TENM2: variants seen among roughly 807,000 people sequenced by gnomAD.
TENM2 encodes the protein teneurin transmembrane protein 2.
TENM2 carries 52 observed loss-of-function variants against 245.2 expected under a neutral mutation model. The ratio of observed to expected loss-of-function variants is 0.21; its 90% CI spans 0.17 to 0.27. The LOEUF is 0.27. Ranked by LOEUF, TENM2 falls within the 10% of genes least tolerant of loss-of-function variation. The pLI is 1.00. For missense variants in TENM2, 3,046 were observed against 3,666.8 expected (o/e 0.83, Z 4.37); for synonymous variants, 1,363 against 1,438.9 (o/e 0.95, Z 1.19).
the TENM2 span, among the ~76,000 whole-genome samples, chr5:167,144,995 G>A: frequency 6.6e-6 from 1 of 152,098 alleles, no homozygotes; most frequent in East Asian, 1.9e-4. Flanking sequence ...TTATTGCAGT[G>A]GCTGCAGGCA....
intron 2 of TENM2, among the ~76,000 whole-genome samples, chr5:167,530,766 C>T (rs1006182503): frequency 1.3e-5 from 2 of 152,124 alleles, no homozygotes; most frequent in African/African-American, 2.4e-5. Flanking sequence ...TGGGGAAGCG[C>T]GGCTTCTCTT....
At chr5:167,529,576 G>C (rs1562029994) in intron 2 of TENM2, among the ~76,000 whole-genome samples, 1 of 152,186 alleles carries the variant, frequency 6.6e-6, no homozygotes, top group African/African-American at 2.4e-5. Flanking sequence ...GAACACATGA[G>C]TAAATACAGA....
chr5:167,809,489 T>G (rs1329590198), intron 2 of TENM2, among the ~76,000 whole-genome samples: 5 of 152,132 alleles, frequency 3.3e-5, no homozygotes. Flanking sequence ...GATCACATGA[T>G]CTTTCTTCCC....
At chr5:167,918,795 C>G (rs1307816175) in intron 3 of TENM2, among the ~76,000 whole-genome samples, 3 of 145,606 alleles carry the variant, frequency 2.1e-5, no homozygotes, top group African/African-American at 7.7e-5. Flanking sequence ...TTTTTTGTAG[C>G]CTGTAGGCAC....
At chr5:167,086,850 G>A in the TENM2 span, among the ~76,000 whole-genome samples, 23 of 151,948 alleles carry the variant, frequency 1.5e-4, no homozygotes, top group Admixed American at 1.5e-3. Context: ...TCCCTTATCA[G>A]GGACTATAAA....
At chr5:166,986,768 G>T in the TENM2 span, among the ~76,000 whole-genome samples, 1 of 152,082 alleles carries the variant, frequency 6.6e-6, no homozygotes, top group African/African-American at 2.4e-5. Flanking sequence ...ATTGTGAATT[G>T]CCATTTATTT....
At chr5:167,497,997 G>A (rs1391345172) in intron 2 of TENM2, among the ~76,000 whole-genome samples, 2 of 151,952 alleles carry the variant, frequency 1.3e-5, no homozygotes, top group African/African-American at 2.4e-5. Flanking sequence ...GATCCTAATC[G>A]CCTCAGAATT....
intron 1 of TENM2, among the ~76,000 whole-genome samples, chr5:167,321,361 T>A (rs934037619): frequency 7.2e-5 from 11 of 152,284 alleles, no homozygotes; most frequent in African/African-American, 2.4e-4. Flanking sequence ...TCTGGCCTGC[T>A]TTTTCCTTTT....
intron 1 of TENM2, among the ~76,000 whole-genome samples, chr5:167,287,059 G>T (rs1754313892): frequency 6.6e-6 from 1 of 152,200 alleles, no homozygotes; most frequent in Non-Finnish European, 1.5e-5. Context: ...GAAATAAAAA[G>T]CATCAGAAGG....
the TENM2 span, among the ~76,000 whole-genome samples, chr5:167,078,571 G>C: frequency 6.6e-6 from 1 of 152,100 alleles, no homozygotes; most frequent in African/African-American, 2.4e-5. Context: ...ATCATATAGA[G>C]AAAGTAAATA....
At chr5:167,345,003 C>A (rs567443620) in intron 1 of TENM2, among the ~76,000 whole-genome samples, 27 of 152,162 alleles carry the variant, frequency 1.8e-4, no homozygotes, top group Non-Finnish European at 3.5e-4. Context: ...CCTTAGAAGG[C>A]AGAGAGAGAA....
At chr5:167,588,281 G>C (rs372057375) in intron 2 of TENM2, among the ~76,000 whole-genome samples, 66 of 152,302 alleles carry the variant, frequency 4.3e-4, no homozygotes, top group African/African-American at 1.5e-3. Context: ...TGGCTAATAG[G>C]CTAAGCCTGG....
intron 2 of TENM2, among the ~76,000 whole-genome samples, chr5:167,827,887 C>G (rs1040258989): frequency 1.3e-5 from 2 of 152,110 alleles, no homozygotes; most frequent in African/African-American, 4.8e-5. Context: ...CCTGCTGTGC[C>G]CTGTAGGATC....
At chr5:167,258,064 A>T in the TENM2 span, among the ~76,000 whole-genome samples, 1 of 152,104 alleles carries the variant, frequency 6.6e-6, no homozygotes, top group Non-Finnish European at 1.5e-5. Flanking sequence ...ACACCATTTC[A>T]AAATTCATAA....
At chr5:167,385,056 G>A (rs1415272008) in intron 2 of TENM2, among the ~76,000 whole-genome samples, 1 of 152,114 alleles carries the variant, frequency 6.6e-6, no homozygotes, top group Non-Finnish European at 1.5e-5. Context: ...TTAGACTCCA[G>A]TGTTTATAAT....
intron 4 of TENM2, chr5:167,967,117 G>T (rs1272771254): frequency 6.6e-6 from 1 of 151,946 alleles, no homozygotes; most frequent in Admixed American, 6.6e-5. Flanking sequence ...TAACTGAGCT[G>T]CTCAATAGGC....
At chr5:168,158,957 G>A (rs2152442652) in intron 12 of TENM2, among the ~76,000 whole-genome samples, 1 of 143,940 alleles carries the variant, frequency 6.9e-6, no homozygotes, top group African/African-American at 2.6e-5. Context: ...ATATATATAT[G>A]TACGTGTATA....
chr5:168,147,385 C>T (rs115687055), intron 12 of TENM2, among the ~76,000 whole-genome samples: 122 of 152,300 alleles, frequency 8.0e-4, no homozygotes, highest in Non-Finnish European at 9.1e-4. Context: ...TTTGCACGGA[C>T]GTTTAATTTG....
chr5:167,589,974 T>C (rs1203080207), intron 2 of TENM2, among the ~76,000 whole-genome samples: 1 of 151,904 alleles, frequency 6.6e-6, no homozygotes, highest in Non-Finnish European at 1.5e-5. Flanking sequence ...AATAATTTGA[T>C]GTATCATTTT....
Sources: gnomAD v4.1 joint callset for allele counts (sites outside exome capture counted in the v4.1 genomes callset) on GRCh38, gnomAD v4.1.1 for gene constraint, MANE v1.5 for transcripts, NCBI Gene and HGNC (gene_info 2026-07-23, HGNC 2026-07-21) for gene names.